Variants in FRY observed in about 807,000 individuals in gnomAD.
The protein encoded by FRY is protein furry homolog.
Under a neutral mutation model 348.4 loss-of-function variants are expected in FRY, and 128 were observed. That is an observed-to-expected ratio of 0.37 (90% CI 0.32 to 0.43). The LOEUF (loss-of-function observed/expected upper bound fraction) is 0.43. FRY is among the 20% of genes least tolerant of loss of function. FRY has a pLI of 1.00. For missense variants in FRY, 2,736 were observed against 3,695.2 expected (o/e 0.74, Z 6.73); for synonymous variants, 1,370 against 1,374.7 (o/e 1.00, Z 0.08).
intron 46 of FRY, among the ~76,000 whole-genome samples, chr13:32,243,200 T>C (rs1482829670): frequency 6.6e-6 from 1 of 152,224 alleles, no homozygotes; most frequent in Non-Finnish European, 1.5e-5. Context: ...GTATCCTTCA[T>C]TTCCCACTTA....
At chr13:32,158,411 G>A (rs182538899) in intron 16 of FRY, among the ~76,000 whole-genome samples, 248 of 152,208 alleles carry the variant, frequency 1.6e-3, no homozygotes, top group African/African-American at 5.7e-3. Flanking sequence ...CCAATTACTC[G>A]ATTTAAATAG....
chr13:32,157,530 T>A (rs77521892), intron 16 of FRY, 125 bp downstream of exon 16: 2 of 683,236 alleles, frequency 2.9e-6, no homozygotes, highest in Non-Finnish European at 4.7e-6. Context: ...TAAAGATAGT[T>A]AAAAAAAAAC....
chr13:32,211,691 A>G (rs1884695254), intron 34 of FRY, among the ~76,000 whole-genome samples: 1 of 152,042 alleles, frequency 6.6e-6, no homozygotes, highest in Non-Finnish European at 1.5e-5. Context: ...TCCCCCCAAA[A>G]GTATTATCAC....
chr13:32,282,865 G>A (rs573776579), intron 58 of FRY, among the ~76,000 whole-genome samples: 3 of 152,190 alleles, frequency 2.0e-5, no homozygotes, highest in South Asian at 4.1e-4. Flanking sequence ...ACATACGGCC[G>A]AGCGTGGTGG....
chr13:32,169,373 C>T (rs1158565965), intron 17 of FRY, among the ~76,000 whole-genome samples: 1 of 152,174 alleles, frequency 6.6e-6, no homozygotes, highest in Non-Finnish European at 1.5e-5. Context: ...TTACTGAGTG[C>T]TTACTCTGTG....
rs969208484 is a variant in FRY at position 32,058,191 on chromosome 13, CT to C, written c.71-20636del. 6.6e-5 allele frequency among the ~76,000 whole-genome samples: 10 copies of C among 152,032 alleles called. No individual in the cohort carries two copies. The East Asian group carries it at 1.5e-3, about 23-fold the overall frequency. ...CATTAATATAGTTTAAAATATATGA[CT>C]TTTTTTGGAATCATCGGGGAGCCAA... On this transcript the variant is annotated intron_variant, in intron 1 of 60. Transcript: ENST00000542859.
At chr13:32,235,067 A>G (rs1240332723) in intron 42 of FRY, among the ~76,000 whole-genome samples, 1 of 152,078 alleles carries the variant, frequency 6.6e-6, no homozygotes, top group East Asian at 1.9e-4. Context: ...ATTATTTTGT[A>G]TAGTTTGGGG....
intron 1 of FRY, among the ~76,000 whole-genome samples, chr13:32,045,293 A>G (rs1383917710): frequency 6.6e-6 from 1 of 152,152 alleles, no homozygotes; most frequent in Non-Finnish European, 1.5e-5. Context: ...TCTTCCTCGA[A>G]TGACATCTCC....
chr13:32,065,934 C>G (rs1308853573), intron 1 of FRY, among the ~76,000 whole-genome samples: 11 of 152,076 alleles, frequency 7.2e-5, no homozygotes, highest in African/African-American at 2.4e-4. Flanking sequence ...TATTATGAAT[C>G]AAATATAGAC....
At chr13:32,072,721 C>T (rs540959418) in intron 1 of FRY, among the ~76,000 whole-genome samples, 1 of 152,244 alleles carries the variant, frequency 6.6e-6, no homozygotes, top group East Asian at 1.9e-4. Flanking sequence ...TGCTGGTAAA[C>T]AAATTAAGTC....
chr13:32,283,140 C>CAA (rs573374923), intron 58 of FRY, among the ~76,000 whole-genome samples: 9 of 128,964 alleles, frequency 7.0e-5, no homozygotes, highest in East Asian at 2.3e-4. Context: ...GACTCCATCT[C>CAA]AAAAAAAAAA....
At chr13:32,219,018 A>G (rs1022564339) in intron 36 of FRY, among the ~76,000 whole-genome samples, 187 bp downstream of exon 36, 3 of 151,616 alleles carry the variant, frequency 2.0e-5, no homozygotes, top group African/African-American at 4.8e-5. Flanking sequence ...AGAAAAAACC[A>G]TGGACAAATC....
At chr13:32,282,133 T>G (rs1449698800) in intron 58 of FRY, among the ~76,000 whole-genome samples, 1 of 152,298 alleles carries the variant, frequency 6.6e-6, no homozygotes, top group East Asian at 1.9e-4. Flanking sequence ...GGAGATATAA[T>G]TTTGCTGACT....
chr13:32,036,314 A>T (rs1451999306), intron 1 of FRY, among the ~76,000 whole-genome samples: 5 of 152,092 alleles, frequency 3.3e-5, no homozygotes, highest in African/African-American at 1.2e-4. Context: ...TTAGAAGGAG[A>T]CTTACTCCAG....
At chr13:32,192,870 A>T (rs925423970) in intron 28 of FRY, among the ~76,000 whole-genome samples, 3 of 148,494 alleles carry the variant, frequency 2.0e-5, no homozygotes, top group Non-Finnish European at 4.4e-5. Flanking sequence ...CAGCCTCCCC[A>T]GTAGCTGGGA....
rs1156999789 is a variant in FRY at position 32,106,208 on chromosome 13, CATT to C, written c.324+4195_324+4197del. ...TTAAATATATCTATAGGATATATAA[CATT>C]ATATTTACTATGATATTATATTTAA... is the stretch of plus-strand genomic sequence containing the variant. On this transcript the variant is annotated intron_variant, in intron 3 of 60. Coordinates refer to ENST00000542859, the MANE Select transcript of FRY (RefSeq NM_023037.3). 3.4e-5 allele frequency among the ~76,000 whole-genome samples: 5 copies of C among 148,504 alleles called. No homozygotes were observed. In the South Asian group the frequency reaches 8.4e-4, roughly 25 times the overall value.
At chr13:32,091,553 C>T (rs536901046) in intron 2 of FRY, among the ~76,000 whole-genome samples, 5 of 152,302 alleles carry the variant, frequency 3.3e-5, no homozygotes, top group African/African-American at 9.6e-5. Context: ...AGAGTGCCTG[C>T]GGCTGGGTGT....
Position 32,191,434 on chromosome 13 carries a change from A to G in FRY, c.3592-2709A>G, listed in dbSNP as rs566121826. On this transcript the variant is annotated intron_variant, in intron 28 of 60. Coordinates refer to ENST00000542859, the MANE Select transcript of FRY (RefSeq NM_023037.3). ...ATATATAAAGGACCCCTACAAATAA[A>G]TAAGATAAATACAGACTGAATAGAA... is the stretch of plus-strand genomic sequence containing the variant. Among the ~76,000 whole-genome samples, 8 of 152,340 alleles carry G rather than the reference A, an allele frequency of 5.3e-5. 1 individual carries two copies. The highest frequency in any genetic ancestry group is 3.4e-3 in the Middle Eastern group (1 of 294).
At chr13:32,156,593 C>T (rs1881129214) in intron 15 of FRY, among the ~76,000 whole-genome samples, 1 of 96,782 alleles carries the variant, frequency 1.0e-5, no homozygotes, top group South Asian at 4.3e-4. Context: ...AACAGTGAAG[C>T]TCCATCTCAA....
Sources: gnomAD v4.1 joint callset for allele counts (sites outside exome capture counted in the v4.1 genomes callset) on GRCh38, gnomAD v4.1.1 for gene constraint, MANE v1.5 for transcripts, NCBI Gene and HGNC (gene_info 2026-07-23, HGNC 2026-07-21) for gene names.